The following RBFOX1 variants were observed in gnomAD, a reference collection of about 807,000 sequenced individuals.
RBFOX1 encodes RNA binding protein fox-1 homolog 1.
In RBFOX1, 8 loss-of-function variants were observed where a neutral mutation model predicts 57.7. The observed-to-expected ratio is 0.14, with a 90% CI of 0.08 to 0.25. The LOEUF is 0.25. Among genes scored for constraint, RBFOX1 ranks in the 10% least tolerant of loss-of-function variants. The pLI is 1.00. For synonymous variants in RBFOX1, 326 were observed against 222.4 expected (o/e 1.47, Z -4.15); for missense variants, 611 against 548.5 (o/e 1.11, Z -1.14).
chr16:7,581,136 C>G (rs533150537), intron 6 of RBFOX1, among the ~76,000 whole-genome samples: 6 of 152,208 alleles, frequency 3.9e-5, no homozygotes, highest in African/African-American at 1.4e-4. Context: ...AAAAGCAGAG[C>G]GAGCATCCTA....
intron 3 of RBFOX1, among the ~76,000 whole-genome samples, chr16:5,720,253 C>T (rs896700600): frequency 2.0e-5 from 3 of 152,024 alleles, no homozygotes; most frequent in African/African-American, 7.2e-5. Flanking sequence ...GATTCTTGGT[C>T]CATTTTTGAC....
At chr16:7,092,145 C>T (rs1039529928) in intron 4 of RBFOX1, among the ~76,000 whole-genome samples, 1 of 152,102 alleles carries the variant, frequency 6.6e-6, no homozygotes, top group Non-Finnish European at 1.5e-5. Flanking sequence ...GCACACACAC[C>T]CTTCTTTTCT....
chr16:5,273,476 T>G (rs12921554), intron 1 of RBFOX1, among the ~76,000 whole-genome samples: 29,456 of 151,978 alleles, frequency 0.19, 3,237 homozygotes, highest in African/African-American at 0.3. Context: ...CTTCCAAAGA[T>G]CTCAGATGCC....
chr16:5,958,077 A>G (rs1341603139), intron 4 of RBFOX1, among the ~76,000 whole-genome samples: 32 of 152,164 alleles, frequency 2.1e-4, no homozygotes, highest in Admixed American at 2.1e-3. Context: ...AATCTACTGC[A>G]CTTCAAATTC....
At chr16:6,327,335 C>T (rs372134900) in intron 2 of RBFOX1, among the ~76,000 whole-genome samples, 1 of 152,044 alleles carries the variant, frequency 6.6e-6, no homozygotes, top group East Asian at 1.9e-4. Flanking sequence ...TAGGTTTCTG[C>T]TTTTCTCACT....
At chr16:5,768,212 A>G (rs1427438539) in intron 3 of RBFOX1, among the ~76,000 whole-genome samples, 2 of 152,316 alleles carry the variant, frequency 1.3e-5, no homozygotes, top group African/African-American at 4.8e-5. Context: ...TTGGAGCATG[A>G]GAGAAGCTGA....
intron 1 of RBFOX1, among the ~76,000 whole-genome samples, chr16:6,207,230 G>A (rs1219349592): frequency 6.6e-6 from 1 of 152,034 alleles, no homozygotes; most frequent in East Asian, 1.9e-4. Flanking sequence ...AGTGGCTTCT[G>A]AGACTCTCCT....
intron 3 of RBFOX1, among the ~76,000 whole-genome samples, chr16:6,880,989 A>C (rs2062819762): frequency 6.6e-6 from 1 of 152,168 alleles, no homozygotes; most frequent in South Asian, 2.1e-4. Flanking sequence ...ACACAGTGAG[A>C]GCCTAGGCAG....
intron 4 of RBFOX1, among the ~76,000 whole-genome samples, chr16:5,908,287 TACACATATATATATAC>T (rs1567134145): frequency 7.0e-6 from 1 of 142,122 alleles, no homozygotes. Flanking sequence ...TACATATATA[TACACATATATATATAC>T]ACACATATAT....
At position 6,033,296 on chromosome 16, in the gene RBFOX1, G is replaced by C. The variant is rs1032618749; in HGVS notation, c.-127+13304G>C. Among the ~76,000 whole-genome samples the C allele has an allele frequency of 4.6e-5, 7 of 152,152 alleles. No individual in the cohort carries two copies. The East Asian group carries it at 1.3e-3, about 29-fold the overall frequency. ...TAGGCAGGGAATGATGTATGTTACA[G>C]GGCATATTTGATGCTTTGCTTTATT... is the stretch of plus-strand genomic sequence containing the variant. On this transcript the variant is annotated intron_variant, in intron 1 of 15. Coordinates refer to ENST00000550418, the MANE Select transcript of RBFOX1 (RefSeq NM_018723.4).
chr16:7,566,095 A>G (rs894674608), intron 5 of RBFOX1, among the ~76,000 whole-genome samples: 1 of 152,176 alleles, frequency 6.6e-6, no homozygotes, highest in African/African-American at 2.4e-5. Context: ...TCTAGGAAGC[A>G]TTTGATATGG....
At chr16:5,937,436 A>T (rs1294448830) in intron 4 of RBFOX1, among the ~76,000 whole-genome samples, 1 of 152,100 alleles carries the variant, frequency 6.6e-6, no homozygotes, top group Non-Finnish European at 1.5e-5. Flanking sequence ...ACACACGTTT[A>T]TTTCTGTTTG....
intron 1 of RBFOX1, among the ~76,000 whole-genome samples, chr16:5,375,085 CAAAA>C (rs576765968): frequency 8.1e-5 from 3 of 37,104 alleles, no homozygotes; most frequent in Non-Finnish European, 1.4e-4. Context: ...TTTAAATGGC[CAAAA>C]AAAAAAAAAA....
At chr16:5,777,249 C>T (rs1398647082) in intron 3 of RBFOX1, among the ~76,000 whole-genome samples, 1 of 152,202 alleles carries the variant, frequency 6.6e-6, no homozygotes, top group African/African-American at 2.4e-5. Flanking sequence ...ACCCTTGGAT[C>T]ATGGCCCCTT....
At chr16:6,285,508 T>C (rs1375562701) in intron 1 of RBFOX1, among the ~76,000 whole-genome samples, 2 of 152,166 alleles carry the variant, frequency 1.3e-5, no homozygotes, top group East Asian at 3.9e-4. Context: ...AAACACCTCT[T>C]GGGTGTTGCC....
intron 1 of RBFOX1, among the ~76,000 whole-genome samples, chr16:5,309,653 A>G (rs904777200): frequency 6.6e-6 from 1 of 150,892 alleles, no homozygotes; most frequent in African/African-American, 2.4e-5. Context: ...CTCATTCCTC[A>G]CTCCCCTCCC....
intron 4 of RBFOX1, among the ~76,000 whole-genome samples, chr16:7,257,548 C>G (rs1028128159): frequency 1.3e-5 from 2 of 152,128 alleles, no homozygotes; most frequent in Non-Finnish European, 2.9e-5. Flanking sequence ...AGAGACCTCA[C>G]TGTCTCCCAT....
chr16:5,988,563 C>T (rs1001121398), intron 4 of RBFOX1, among the ~76,000 whole-genome samples: 2 of 152,164 alleles, frequency 1.3e-5, no homozygotes, highest in African/African-American at 4.8e-5. Flanking sequence ...CCCCTTCCTG[C>T]CACCCTGCTT....
intron 1 of RBFOX1, among the ~76,000 whole-genome samples, chr16:6,262,917 A>G (rs969428149): frequency 1.3e-5 from 2 of 152,188 alleles, no homozygotes; most frequent in Admixed American, 1.3e-4. Flanking sequence ...AATGGGATGA[A>G]GTTGCAAAGA....
Sources: allele counts gnomAD v4.1 joint callset (sites outside exome capture counted in the v4.1 genomes callset), GRCh38; gene constraint gnomAD v4.1.1; transcripts MANE v1.5; gene names NCBI Gene and HGNC (gene_info 2026-07-23, HGNC 2026-07-21).